LIMS1: variants seen among roughly 807,000 people sequenced by gnomAD.
LIMS1 encodes LIM and senescent cell antigen-like-containing domain protein 1.
In LIMS1, 18 loss-of-function variants were observed where a neutral mutation model predicts 44.1. The ratio of observed to expected loss-of-function variants is 0.41; its 90% CI spans 0.28 to 0.61. The LOEUF is 0.61. Among genes scored for constraint, LIMS1 ranks in the 20% least tolerant of loss-of-function variants. LIMS1 has a pLI of 0.32. For missense variants in LIMS1, 201 were observed against 422.0 expected (o/e 0.48, Z 4.59); for synonymous variants, 93 against 149.1 (o/e 0.62, Z 2.74).
intron 1 of LIMS1, among the ~76,000 whole-genome samples, chr2:108,574,380 C>T (rs565632290): frequency 5.3e-5 from 8 of 152,216 alleles, no homozygotes; most frequent in Non-Finnish European, 1.0e-4. Flanking sequence ...AGAGACAGCT[C>T]TCCTTGTATT....
intron 1 of LIMS1, among the ~76,000 whole-genome samples, chr2:108,617,871 C>A (rs776451667): frequency 1.3e-5 from 2 of 152,116 alleles, no homozygotes; most frequent in Non-Finnish European, 2.9e-5. Context: ...CTGCTGGAGT[C>A]AAAGTACAGA....
chr2:108,540,600 T>A (rs889413912), intron 1 of LIMS1, among the ~76,000 whole-genome samples: 1 of 152,240 alleles, frequency 6.6e-6, no homozygotes, highest in Non-Finnish European at 1.5e-5. Flanking sequence ...CATGGTGACA[T>A]GAAGATCTAA....
chr2:108,645,258 A>G (rs939463193), intron 1 of LIMS1, among the ~76,000 whole-genome samples: 4 of 152,234 alleles, frequency 2.6e-5, no homozygotes, highest in Admixed American at 1.3e-4. Flanking sequence ...AGGTTGGGTT[A>G]CCCATAAAGG....
At chr2:108,592,939 A>C (rs1479992089) in intron 1 of LIMS1, among the ~76,000 whole-genome samples, 1 of 152,188 alleles carries the variant, frequency 6.6e-6, no homozygotes, top group East Asian at 1.9e-4. Context: ...TGTGGAGGAC[A>C]CTTGGGTTGT....
chr2:108,592,323 G>A (rs925251356), intron 1 of LIMS1, among the ~76,000 whole-genome samples: 2 of 152,162 alleles, frequency 1.3e-5, no homozygotes, highest in African/African-American at 4.8e-5. Context: ...GAAGTGGCAG[G>A]TGGGGAGGTA....
At chr2:108,624,922 A>G (rs1237460117) in intron 1 of LIMS1, among the ~76,000 whole-genome samples, 1 of 152,092 alleles carries the variant, frequency 6.6e-6, no homozygotes, top group Admixed American at 6.5e-5. Flanking sequence ...CTACTAAAAT[A>G]TAAAAAATTA....
At chr2:108,559,368 A>G (rs1685035782) in intron 1 of LIMS1, among the ~76,000 whole-genome samples, 1 of 152,202 alleles carries the variant, frequency 6.6e-6, no homozygotes, top group South Asian at 2.1e-4. Flanking sequence ...ATTACATGTA[A>G]TTTTAAAAGT....
At chr2:108,560,916 G>A (rs1166701588) in intron 1 of LIMS1, among the ~76,000 whole-genome samples, 2 of 152,160 alleles carry the variant, frequency 1.3e-5, no homozygotes, top group Admixed American at 6.5e-5. Flanking sequence ...CCTTCTGTGT[G>A]TCTGTGTGTG....
chr2:108,627,094 C>A (rs552316533), intron 1 of LIMS1, among the ~76,000 whole-genome samples: 1 of 152,172 alleles, frequency 6.6e-6, no homozygotes, highest in Non-Finnish European at 1.5e-5. Flanking sequence ...GTATTCAATA[C>A]AGTCCTGTGC....
chr2:108,628,447 A>G lies in LIMS1; in HGVS notation c.33-31158A>G, dbSNP rs1309796846. ...AGTTTAAACTAGGGATTTCCAGTTA[A>G]TATTTGTGAATCGATAAATGAATGA... On this transcript the variant is annotated intron_variant, in intron 1 of 9. Transcript: ENST00000544547. 2.0e-5 allele frequency among the ~76,000 whole-genome samples: 3 copies of G among 152,152 alleles called. No homozygotes were observed. The East Asian group carries it at 5.8e-4, about 29-fold the overall frequency.
At chr2:108,672,054 C>G (rs772204579) in intron 3 of LIMS1, among the ~76,000 whole-genome samples, 32 of 151,176 alleles carry the variant, frequency 2.1e-4, no homozygotes, top group Non-Finnish European at 4.0e-4. Context: ...GTAATCCCAG[C>G]TACTTGGGAG....
intron 1 of LIMS1, among the ~76,000 whole-genome samples, chr2:108,652,563 A>G (rs1365902090): frequency 6.6e-6 from 1 of 152,264 alleles, no homozygotes; most frequent in African/African-American, 2.4e-5. Flanking sequence ...GGTCAGAGAT[A>G]ACATGAAAGA....
intron 1 of LIMS1, among the ~76,000 whole-genome samples, chr2:108,592,956 AC>A (rs1686483768): frequency 1.3e-5 from 2 of 152,192 alleles, no homozygotes; most frequent in Admixed American, 1.3e-4. Flanking sequence ...TTGTTTCCAT[AC>A]CTTGGATATT....
At chr2:108,680,365 C>CAAAAAA (rs35982119) in intron 8 of LIMS1, among the ~76,000 whole-genome samples, 1 of 68,246 alleles carries the variant, frequency 1.5e-5, no homozygotes, top group African/African-American at 5.9e-5. Context: ...GATTCCGTCT[C>CAAAAAA]AAAAAAAAAA....
chr2:108,649,999 GAAA>G (rs1690349851), intron 1 of LIMS1, among the ~76,000 whole-genome samples: 1 of 152,024 alleles, frequency 6.6e-6, no homozygotes, highest in Non-Finnish European at 1.5e-5. Flanking sequence ...GTAAAAAAAA[GAAA>G]AACGCCCTTA....
At chr2:108,547,747 T>C (rs1256375070) in intron 1 of LIMS1, among the ~76,000 whole-genome samples, 2 of 152,194 alleles carry the variant, frequency 1.3e-5, no homozygotes, top group African/African-American at 4.8e-5. Context: ...GTGCCCAAAA[T>C]ACCAGCATTT....
At chr2:108,650,413 C>CTTTTTTTTTTT (rs113015874) in intron 1 of LIMS1, among the ~76,000 whole-genome samples, 1 of 145,178 alleles carries the variant, frequency 6.9e-6, no homozygotes, top group African/African-American at 2.5e-5. Flanking sequence ...CTTTTCTTTT[C>CTTTTTTTTTTT]TTTTTTTTTT....
chr2:108,649,162 C>T (rs528408375), intron 1 of LIMS1, among the ~76,000 whole-genome samples: 62 of 152,162 alleles, frequency 4.1e-4, no homozygotes, highest in Non-Finnish European at 6.2e-4. Flanking sequence ...AAAAAGTGGG[C>T]AAAGGATATG....
chr2:108,605,207 A>G (rs1341611461), intron 1 of LIMS1, among the ~76,000 whole-genome samples: 5 of 152,138 alleles, frequency 3.3e-5, no homozygotes, highest in African/African-American at 1.2e-4. Flanking sequence ...GCAGCAATAG[A>G]ACCTGGTGTG....
Sources: gnomAD v4.1 joint callset for allele counts (sites outside exome capture counted in the v4.1 genomes callset) on GRCh38, gnomAD v4.1.1 for gene constraint, MANE v1.5 for transcripts, NCBI Gene and HGNC (gene_info 2026-07-23, HGNC 2026-07-21) for gene names.